The following MARCHF4 variants were observed in gnomAD, a reference collection of about 807,000 sequenced individuals.
MARCHF4 encodes membrane associated ring-CH-type finger 4, also known as E3 ubiquitin-protein ligase MARCHF4.
MARCHF4 carries 14 observed loss-of-function variants against 43.9 expected under a neutral mutation model. The ratio of observed to expected loss-of-function variants is 0.32; its 90% CI spans 0.21 to 0.50. MARCHF4 has a LOEUF of 0.50. Among genes scored for constraint, MARCHF4 ranks in the 20% least tolerant of loss-of-function variants. The probability of loss-of-function intolerance (pLI) is 0.98; values close to 1 mark genes in which losing one functional copy is unlikely to be tolerated. For missense variants in MARCHF4, 468 were observed against 536.7 expected (o/e 0.87, Z 1.27); for synonymous variants, 226 against 213.3 (o/e 1.06, Z -0.52).
chr2:216,270,345 G>A (rs1405086646), intron 3 of MARCHF4, among the ~76,000 whole-genome samples: 1 of 152,006 alleles, frequency 6.6e-6, no homozygotes, highest in East Asian at 1.9e-4. Flanking sequence ...CAAAATGCTG[G>A]GATTATAGGC....
intron 1 of MARCHF4, among the ~76,000 whole-genome samples, chr2:216,358,050 A>G (rs573375264): frequency 3.9e-5 from 6 of 152,356 alleles, no homozygotes; most frequent in Non-Finnish European, 8.8e-5. Flanking sequence ...CTAATGTTTA[A>G]TGTATGTTTG....
intron 1 of MARCHF4, among the ~76,000 whole-genome samples, chr2:216,340,202 T>C (rs1692215477): frequency 6.6e-6 from 1 of 152,206 alleles, no homozygotes; most frequent in South Asian, 2.1e-4. Flanking sequence ...AGATTCCTTT[T>C]ACAGCCTGGG....
intron 2 of MARCHF4, among the ~76,000 whole-genome samples, chr2:216,280,668 GAGTC>G (rs1691112795): frequency 6.6e-6 from 1 of 152,158 alleles, no homozygotes. Context: ...CTGGACCCAG[GAGTC>G]AGACCCCCAC....
chr2:216,344,409 A>T (rs1692282442), intron 1 of MARCHF4, among the ~76,000 whole-genome samples: 1 of 152,154 alleles, frequency 6.6e-6, no homozygotes, highest in South Asian at 2.1e-4. Context: ...CATGACTCAC[A>T]AATGGGGAAG....
chr2:216,337,099 C>T (rs941531960), intron 1 of MARCHF4, among the ~76,000 whole-genome samples: 1 of 150,894 alleles, frequency 6.6e-6, no homozygotes, highest in Non-Finnish European at 1.5e-5. Context: ...TTGCAGTGAG[C>T]TGAGATCATG....
intron 1 of MARCHF4, among the ~76,000 whole-genome samples, chr2:216,316,640 CAGTAGAGCCAGGAACTAAG>C (rs1224611988): frequency 6.6e-6 from 1 of 151,990 alleles, no homozygotes; most frequent in Non-Finnish European, 1.5e-5. Context: ...AAAATTATAC[CAGTAGAGCCAGGAACTAAG>C]AGTAGTGTCA....
chr2:216,306,414 A>C (rs1455604087), intron 1 of MARCHF4, among the ~76,000 whole-genome samples: 2 of 152,226 alleles, frequency 1.3e-5, no homozygotes, highest in Admixed American at 6.5e-5. Flanking sequence ...AGTTCTGTCA[A>C]TGAAGACTTT....
In MARCHF4 at chr2:216,277,723, G is replaced by A. The variant is rs886622411; in HGVS notation, c.814C>T (p.Leu272Phe). The A allele has an allele frequency of 5.0e-6, 8 of 1,614,022 alleles. No individual in the cohort carries two copies. Among genetic ancestry groups the A allele is most frequent in the Non-Finnish European group, 5.9e-6 (7 of 1,179,970 alleles). The change falls in exon 3 of 4, where the codon CTC becomes TTC. Residue 272 changes from leucine (L) to phenylalanine (F), a missense_variant. This residue lies in a region of MARCHF4 where 158 missense variants were observed against 251.1 expected (regional missense o/e 0.63). Transcript: ENST00000273067. ...TACATCCCGTAGCAGATCTGGAAGA[G>A]AAGGTCTTGGCGCTGCCATCTTGCC... ...PSARWQRQDL[L>F]FQICYGMYGF...
intron 3 of MARCHF4, among the ~76,000 whole-genome samples, chr2:216,275,114 A>T (rs1020656629): frequency 1.8e-4 from 27 of 152,364 alleles, no homozygotes; most frequent in African/African-American, 5.5e-4. Context: ...GGAAACAATG[A>T]AAACTCTCAA....
At chr2:216,346,938 C>A (rs1315519017) in intron 1 of MARCHF4, among the ~76,000 whole-genome samples, 1 of 152,106 alleles carries the variant, frequency 6.6e-6, no homozygotes, top group Non-Finnish European at 1.5e-5. Context: ...TTTGGTGCTG[C>A]TCTCGTGGTA....
chr2:216,372,156 CG>C lies in MARCHF4; in HGVS notation c.-1897del, dbSNP rs1406963070. On this transcript the variant is annotated 5_prime_UTR_variant, in exon 1 of 4. Coordinates refer to ENST00000273067, the MANE Select transcript of MARCHF4 (RefSeq NM_020814.3). ...TGCTGCCAGGTGTTGTCTCGTCTTC[CG>C]CCGTTGCTCAGCACCCGCCGCTGCC... is the stretch of plus-strand genomic sequence containing the variant. 1 of 152,412 alleles carries C rather than the reference CG, an allele frequency of 6.6e-6. No individual in the cohort carries two copies. Among genetic ancestry groups the C allele is most frequent in the Non-Finnish European group, 1.5e-5 (1 of 68,226 alleles). 9.4% of individuals were successfully genotyped at this position (152,412 alleles called of 1,614,324 possible).
At chr2:216,349,590 G>T (rs1185177805) in intron 1 of MARCHF4, among the ~76,000 whole-genome samples, 1 of 152,208 alleles carries the variant, frequency 6.6e-6, no homozygotes, top group East Asian at 1.9e-4. Context: ...TTATGGAGAA[G>T]GTGACATGTG....
intron 1 of MARCHF4, among the ~76,000 whole-genome samples, chr2:216,349,970 C>T (rs1692375104): frequency 6.6e-6 from 1 of 152,156 alleles, no homozygotes; most frequent in African/African-American, 2.4e-5. Context: ...AGGCAAAAAA[C>T]TAACATGCTC....
chr2:216,287,746 AC>A (rs1218493142), intron 1 of MARCHF4, among the ~76,000 whole-genome samples: 1 of 151,580 alleles, frequency 6.6e-6, no homozygotes, highest in Non-Finnish European at 1.5e-5. Flanking sequence ...TATGTAACAA[AC>A]CTGCAGGTTG....
chr2:216,265,794 C>G (rs1031670791), intron 3 of MARCHF4: 1 of 152,242 alleles, frequency 6.6e-6, no homozygotes, highest in African/African-American at 2.4e-5. Flanking sequence ...GCCCAGCTGC[C>G]TTTCACACTT....
chr2:216,283,153 C>G (rs1574463109), intron 2 of MARCHF4, among the ~76,000 whole-genome samples: 1 of 152,170 alleles, frequency 6.6e-6, no homozygotes, highest in African/African-American at 2.4e-5. Flanking sequence ...CACCTTCTGT[C>G]TTTTTGTTTC....
At chr2:216,317,673 C>G (rs1235798326) in intron 1 of MARCHF4, among the ~76,000 whole-genome samples, 2 of 152,200 alleles carry the variant, frequency 1.3e-5, no homozygotes, top group Non-Finnish European at 2.9e-5. Context: ...CTTGGCCTCC[C>G]AAAGTGCTGG....
intron 1 of MARCHF4, among the ~76,000 whole-genome samples, chr2:216,292,974 C>A (rs1245159675): frequency 1.3e-5 from 2 of 152,198 alleles, no homozygotes; most frequent in Admixed American, 6.5e-5. Flanking sequence ...AAGGGTTTGA[C>A]TCCTGCTGCC....
rs527607293 is a variant in MARCHF4, at chr2:216,325,334, G to T, written c.517-41605C>A. On this transcript the variant is annotated intron_variant, in intron 1 of 3. Transcript: ENST00000273067. ...TAAAAGAGGATACAAACAAATGGAA[G>T]AATATTCCATGCTCATGGGTAGGAA... 2.8e-4 allele frequency among the ~76,000 whole-genome samples: 43 copies of T among 152,276 alleles called. No individual in the cohort carries two copies. The East Asian group carries it at 7.9e-3, about 28-fold the overall frequency.
Sources: allele counts gnomAD v4.1 joint callset (sites outside exome capture counted in the v4.1 genomes callset), GRCh38; gene constraint gnomAD v4.1.1; regional missense constraint gnomAD v4.1.1; transcripts MANE v1.5; gene names NCBI Gene and HGNC (gene_info 2026-07-23, HGNC 2026-07-21).